ENOX1: variants seen among roughly 807,000 people sequenced by gnomAD.
ENOX1 encodes ecto-NOX disulfide-thiol exchanger 1.
Under a neutral mutation model 82.5 loss-of-function variants are expected in ENOX1, and 42 were observed. The observed-to-expected ratio is 0.51, with a 90% CI of 0.40 to 0.66. ENOX1 has a LOEUF of 0.66. ENOX1 is among the 30% of genes least tolerant of loss of function. ENOX1 has a pLI of 0.00. For missense variants in ENOX1, 608 were observed against 811.6 expected, an observed-to-expected ratio of 0.75 and a Z score of 3.05; for synonymous variants, 271 against 282.2, an observed-to-expected ratio of 0.96 and a Z score of 0.40.
intron 2 of ENOX1, among the ~76,000 whole-genome samples, chr13:43,541,391 C>T (rs1332442147): frequency 6.6e-6 from 1 of 151,882 alleles, no homozygotes; most frequent in Non-Finnish European, 1.5e-5. Flanking sequence ...GTCCCAGCTA[C>T]TCAGAAGACT....
At chr13:43,447,359 C>G (rs1390729427) in intron 3 of ENOX1, among the ~76,000 whole-genome samples, 2 of 152,076 alleles carry the variant, frequency 1.3e-5, no homozygotes, top group South Asian at 2.1e-4. Flanking sequence ...TGTGGATGAG[C>G]AGGACATCTT....
intron 2 of ENOX1, among the ~76,000 whole-genome samples, chr13:43,659,500 A>G (rs545970398): frequency 3.8e-4 from 58 of 152,036 alleles, no homozygotes; most frequent in Middle Eastern, 3.4e-3. Flanking sequence ...AAAAAAAAAA[A>G]AATTTTCTTC....
chr13:43,492,320 G>C (rs1396468186), intron 2 of ENOX1, among the ~76,000 whole-genome samples: 4 of 152,168 alleles, frequency 2.6e-5, no homozygotes, highest in African/African-American at 9.7e-5. Flanking sequence ...TGCTTTGACT[G>C]AAGCCTTGTG....
chr13:43,241,679 A>G (rs141930418), intron 14 of ENOX1, among the ~76,000 whole-genome samples: 27 of 152,330 alleles, frequency 1.8e-4, no homozygotes, highest in Middle Eastern at 3.4e-3. Flanking sequence ...AATTTCTGTG[A>G]TACGTAGAAG....
intron 2 of ENOX1, among the ~76,000 whole-genome samples, chr13:43,655,004 G>A (rs9533570): frequency 0.15 from 22,696 of 152,040 alleles, 2,064 homozygotes; most frequent in East Asian, 0.39. Context: ...AGTATTTGCT[G>A]CCACACCTCT....
intron 1 of ENOX1, among the ~76,000 whole-genome samples, chr13:43,765,531 T>G (rs1433649083): frequency 6.6e-6 from 1 of 152,192 alleles, no homozygotes; most frequent in African/African-American, 2.4e-5. Flanking sequence ...GGTAATTATT[T>G]GCTTCCTAAT....
chr13:43,389,936 G>A (rs1218712274), intron 5 of ENOX1, among the ~76,000 whole-genome samples: 1 of 152,048 alleles, frequency 6.6e-6, no homozygotes, highest in Non-Finnish European at 1.5e-5. Flanking sequence ...GGGAGAAGGG[G>A]AGAACAAAAA....
chr13:43,487,632 G>A (rs1032182221), intron 2 of ENOX1, among the ~76,000 whole-genome samples: 8 of 152,124 alleles, frequency 5.3e-5, no homozygotes, highest in African/African-American at 1.4e-4. Flanking sequence ...AGCTCTAGAC[G>A]TGCCAATTAT....
intron 2 of ENOX1, among the ~76,000 whole-genome samples, chr13:43,498,717 A>G (rs1566385088): frequency 6.6e-6 from 1 of 152,092 alleles, no homozygotes; most frequent in Non-Finnish European, 1.5e-5. Flanking sequence ...ATACAAAAAA[A>G]TGAGTGGCCA....
At chr13:43,534,926 G>A (rs1593683165) in intron 2 of ENOX1, among the ~76,000 whole-genome samples, 1 of 152,222 alleles carries the variant, frequency 6.6e-6, no homozygotes, top group Middle Eastern at 3.4e-3. Flanking sequence ...GCATGCTTCT[G>A]GATCCATGGA....
At chr13:43,415,667 A>T (rs1490008018) in intron 3 of ENOX1, among the ~76,000 whole-genome samples, 1 of 151,880 alleles carries the variant, frequency 6.6e-6, no homozygotes, top group Non-Finnish European at 1.5e-5. Flanking sequence ...ACATAGTAAC[A>T]ATCTGATCTC....
In ENOX1 at chr13:43,490,741, A is replaced by G. The variant is rs1234555260; in HGVS notation, c.-218-6589T>C. Among the ~76,000 whole-genome samples the G allele has an allele frequency of 5.3e-5, 8 of 152,124 alleles. No homozygotes were observed. The East Asian group carries it at 1.5e-3, about 29-fold the overall frequency. ...CCCTTTCCAGAAAACTGAACCTGCC[A>G]GTGCATTCATCTTGAACTTTTCAGC... On this transcript the variant is annotated intron_variant, in intron 2 of 16. Transcript: ENST00000690772.
intron 1 of ENOX1, among the ~76,000 whole-genome samples, chr13:43,711,330 T>C (rs1426284142): frequency 1.3e-5 from 2 of 152,172 alleles, no homozygotes; most frequent in African/African-American, 4.8e-5. Flanking sequence ...TTGTTCGACA[T>C]TTGGGTTGGT....
chr13:43,597,596 A>C (rs2153729840), intron 2 of ENOX1, among the ~76,000 whole-genome samples: 1 of 152,216 alleles, frequency 6.6e-6, no homozygotes, highest in Non-Finnish European at 1.5e-5. Context: ...ATTCCTAACT[A>C]ATCTCTCCAT....
At chr13:43,717,173 G>A (rs543171385) in intron 1 of ENOX1, among the ~76,000 whole-genome samples, 14 of 152,222 alleles carry the variant, frequency 9.2e-5, no homozygotes, top group East Asian at 3.9e-4. Context: ...CAAACAGCAC[G>A]GTACTGGTAC....
intron 2 of ENOX1, among the ~76,000 whole-genome samples, chr13:43,576,388 C>G (rs2080423389): frequency 6.6e-6 from 1 of 152,098 alleles, no homozygotes; most frequent in African/African-American, 2.4e-5. Flanking sequence ...TCTTGTAGGA[C>G]TGTATACTTT....
chr13:43,572,973 A>G (rs1432748953), intron 2 of ENOX1, among the ~76,000 whole-genome samples: 2 of 152,340 alleles, frequency 1.3e-5, no homozygotes, highest in African/African-American at 4.8e-5. Flanking sequence ...GGACATATAT[A>G]AATTATGCAT....
intron 1 of ENOX1, among the ~76,000 whole-genome samples, chr13:43,673,701 C>G (rs1483392776): frequency 6.6e-6 from 1 of 152,178 alleles, no homozygotes; most frequent in Admixed American, 6.5e-5. Context: ...TTTGATAAGA[C>G]TACAGTTTGG....
intron 1 of ENOX1, among the ~76,000 whole-genome samples, chr13:43,703,862 A>AT (rs928041743): frequency 1.2e-4 from 18 of 152,028 alleles, no homozygotes; most frequent in African/African-American, 4.1e-4. Flanking sequence ...TTATATATAT[A>AT]TTTTTTTAAA....
Sources: allele counts gnomAD v4.1 joint callset (sites outside exome capture counted in the v4.1 genomes callset), GRCh38; gene constraint gnomAD v4.1.1; transcripts MANE v1.5; gene names NCBI Gene and HGNC (gene_info 2026-07-23, HGNC 2026-07-21).